The following DGKB variants were observed in gnomAD, a reference collection of about 807,000 sequenced individuals.
DGKB encodes 90 kDa diacylglycerol kinase.
In DGKB, 67 loss-of-function variants were observed where a neutral mutation model predicts 114.3. The ratio of observed to expected loss-of-function variants is 0.59; its 90% CI spans 0.48 to 0.72. The LOEUF is 0.72. Ranked by LOEUF, DGKB falls within the 30% of genes least tolerant of loss-of-function variation. The probability of loss-of-function intolerance (pLI) is 0.00; values close to 1 mark genes in which losing one functional copy is unlikely to be tolerated. For synonymous variants in DGKB, 398 were observed against 323.1 expected (o/e 1.23, Z -2.49); for missense variants, 907 against 975.2 (o/e 0.93, Z 0.93).
intron 21 of DGKB, among the ~76,000 whole-genome samples, chr7:14,474,428 C>G (rs979898345): frequency 2.6e-5 from 4 of 152,284 alleles, no homozygotes; most frequent in East Asian, 1.9e-4. Context: ...TCAGATATGT[C>G]TTTATCAGCA....
chr7:14,487,650 T>C (rs894753061), intron 20 of DGKB, among the ~76,000 whole-genome samples: 5 of 143,750 alleles, frequency 3.5e-5, no homozygotes, highest in East Asian at 2.0e-4. Flanking sequence ...AGTGGTGACA[T>C]TGGCTGCAGT....
intron 25 of DGKB, chr7:14,175,992 A>T (rs984426748): frequency 1.3e-5 from 2 of 150,490 alleles, no homozygotes; most frequent in Admixed American, 6.6e-5. Context: ...TATTTTTTTT[A>T]ATTTTATACT....
At position 14,748,437 on chromosome 7, in the gene DGKB, T is replaced by C. The variant is rs931911453; in HGVS notation, c.168+5491A>G. Among the ~76,000 whole-genome samples the C allele has an allele frequency of 2.6e-5, 4 of 152,138 alleles. No individual in the cohort carries two copies. The East Asian group carries it at 7.7e-4, about 29-fold the overall frequency. On this transcript the variant is annotated intron_variant, in intron 4 of 25. Transcript: ENST00000402815. ...GTGATGAGGCACATATTTGCACATA[T>C]TTGGAGAAAGCACATTTCAGGCAGA...
intron 1 of DGKB, among the ~76,000 whole-genome samples, chr7:14,882,689 T>C (rs1854422414): frequency 6.6e-6 from 1 of 152,000 alleles, no homozygotes; most frequent in Non-Finnish European, 1.5e-5. Flanking sequence ...GAGTATGCAA[T>C]ATTTTCCTTT....
chr7:14,935,025 G>C (rs17372197), intron 1 of DGKB, among the ~76,000 whole-genome samples: 1 of 152,070 alleles, frequency 6.6e-6, no homozygotes, highest in African/African-American at 2.4e-5. Flanking sequence ...GCTAATTTGA[G>C]TATTACTGTA....
At chr7:14,321,045 C>G (rs992712325) in intron 23 of DGKB, among the ~76,000 whole-genome samples, 1 of 152,124 alleles carries the variant, frequency 6.6e-6, no homozygotes, top group African/African-American at 2.4e-5. Flanking sequence ...AATCACAGCA[C>G]TTTGGGAGGA....
At chr7:14,192,218 A>G (rs1035204111) in intron 23 of DGKB, 1 of 220,610 alleles carries the variant, frequency 4.5e-6, no homozygotes, top group Non-Finnish European at 9.1e-6. Context: ...AGAAAACTCT[A>G]AAGACTCCAC....
intron 13 of DGKB, among the ~76,000 whole-genome samples, chr7:14,667,366 C>T (rs539166277): frequency 6.6e-6 from 1 of 152,018 alleles, no homozygotes; most frequent in African/African-American, 2.4e-5. Flanking sequence ...TTATAGAGGT[C>T]ATTCAATAAC....
chr7:14,865,566 C>T (rs1033973243), intron 1 of DGKB, among the ~76,000 whole-genome samples: 1 of 152,168 alleles, frequency 6.6e-6, no homozygotes, highest in Non-Finnish European at 1.5e-5. Flanking sequence ...TGCTATTCTC[C>T]GTTTGGCTTC....
intron 20 of DGKB, among the ~76,000 whole-genome samples, chr7:14,560,639 G>A (rs1379018334): frequency 6.6e-6 from 1 of 152,000 alleles, no homozygotes; most frequent in Non-Finnish European, 1.5e-5. Context: ...TCTATATCTT[G>A]GCTATAGCAA....
At position 14,394,666 on chromosome 7, in the gene DGKB, A is replaced by ATT. The variant is rs56288834; in HGVS notation, c.1836-49277_1836-49276dup. ...GCTATTCATTTCCCCATCAATGACCATTTTTTTTTTATTTTCTGAAACTTC... is the reference window on the plus strand; with the variant it reads ...GCTATTCATTTCCCCATCAATGACCATTTTTTTTTTTTATTTTCTGAAACTTC... On this transcript the variant is annotated intron_variant, in intron 21 of 25. Transcript: ENST00000402815. Among the ~76,000 whole-genome samples the ATT allele has an allele frequency of 1.8e-3, 269 of 149,508 alleles. 3 individuals carry two copies. The highest frequency in any genetic ancestry group is 8.1e-3 in the East Asian group (41 of 5,084).
At chr7:14,364,088 C>CA (rs1411093542) in intron 21 of DGKB, among the ~76,000 whole-genome samples, 1 of 151,838 alleles carries the variant, frequency 6.6e-6, no homozygotes, top group Non-Finnish European at 1.5e-5. Context: ...AAAGAATATG[C>CA]AAAATTTTGA....
intron 5 of DGKB, among the ~76,000 whole-genome samples, chr7:14,719,898 G>C (rs1050417611): frequency 6.6e-6 from 1 of 152,060 alleles, no homozygotes; most frequent in African/African-American, 2.4e-5. Context: ...TTACGTGAAC[G>C]CTGTGAGGTA....
In DGKB at chr7:14,148,690, A is replaced by G. The variant is rs1396106866; in HGVS notation, c.*441T>C. 3 of 188,850 alleles carry G rather than the reference A, an allele frequency of 1.6e-5. No homozygotes were observed. The highest frequency in any genetic ancestry group is 3.3e-5 in the Non-Finnish European group (3 of 90,524). 11.7% of individuals were successfully genotyped at this position (188,850 alleles called of 1,614,324 possible). A position where few individuals can be genotyped will look rare whatever the true frequency, so the allele number is the denominator to read the frequency against. On this transcript the variant is annotated 3_prime_UTR_variant, in exon 26 of 26. Transcript: ENST00000402815. ...AGGTCACTGATACACTGATTCTAAA[A>G]GGGAAACGTATAGCAATCTGCAATT...
At chr7:14,568,661 T>C (rs987040324) in intron 20 of DGKB, among the ~76,000 whole-genome samples, 4 of 152,224 alleles carry the variant, frequency 2.6e-5, no homozygotes, top group Non-Finnish European at 4.4e-5. Context: ...TTATTCATTG[T>C]CAGACCACGG....
In DGKB at chr7:14,738,966, C is replaced by T. The variant is rs376908192; in HGVS notation, c.169-2772G>A. Among the ~76,000 whole-genome samples the T allele has an allele frequency of 1.6e-4, 24 of 152,258 alleles. No homozygotes were observed. In the East Asian group the frequency reaches 4.0e-3, roughly 26 times the overall value. ...ATTGTGTTTCAAATTCTAATACTTC[C>T]ACTCACCACCTAACTGATAAGGGGC... On this transcript the variant is annotated intron_variant, in intron 4 of 25. Transcript: ENST00000402815.
intron 1 of DGKB, among the ~76,000 whole-genome samples, chr7:14,854,149 GC>G (rs1209265554): frequency 6.6e-6 from 1 of 152,020 alleles, no homozygotes; most frequent in Non-Finnish European, 1.5e-5. Context: ...TATGCGATTT[GC>G]CAAGTTAAAC....
chr7:14,740,115 A>C (rs1220701104), intron 4 of DGKB, among the ~76,000 whole-genome samples: 13 of 152,190 alleles, frequency 8.5e-5, no homozygotes. Context: ...CCATGCATCC[A>C]TACAGTCTTC....
At chr7:14,452,063 G>A (rs1170675316) in intron 21 of DGKB, among the ~76,000 whole-genome samples, 1 of 151,974 alleles carries the variant, frequency 6.6e-6, no homozygotes, top group Non-Finnish European at 1.5e-5. Flanking sequence ...GATTTATTTG[G>A]AAAGGTACAC....
Sources: allele counts gnomAD v4.1 joint callset (sites outside exome capture counted in the v4.1 genomes callset), GRCh38; gene constraint gnomAD v4.1.1; transcripts MANE v1.5; gene names NCBI Gene and HGNC (gene_info 2026-07-23, HGNC 2026-07-21).